Variants in AP3B1 observed in about 807,000 individuals in gnomAD.
The protein encoded by AP3B1 is AP-3 complex subunit beta-1.
A neutral mutation model predicts 132.5 loss-of-function variants in AP3B1; 61 were observed. The observed-to-expected ratio is 0.46, with a 90% CI of 0.37 to 0.57. AP3B1 has a LOEUF of 0.57. Ranked by LOEUF, AP3B1 falls within the 20% of genes least tolerant of loss-of-function variation. The pLI, the probability that AP3B1 is intolerant of heterozygous loss-of-function variation, is 0.00. For synonymous variants in AP3B1, 388 were observed against 438.3 expected (o/e 0.89, Z 1.43); for missense variants, 1,120 against 1,289.4 (o/e 0.87, Z 2.01).
At chr5:78,236,352 A>G (rs1403171016) in intron 3 of AP3B1, among the ~76,000 whole-genome samples, 2 of 130,282 alleles carry the variant, frequency 1.5e-5, no homozygotes, top group South Asian at 2.4e-4. Flanking sequence ...ACTAAAACAT[A>G]AAAGAAAAAA....
chr5:78,030,522 T>C (rs1197564194), intron 24 of AP3B1, among the ~76,000 whole-genome samples: 4 of 152,218 alleles, frequency 2.6e-5, no homozygotes, highest in African/African-American at 4.8e-5. Context: ...CATTTTTAGG[T>C]AAACTGCTTT....
At chr5:78,110,064 C>G (rs1357482989) in intron 20 of AP3B1, 143 bp downstream of exon 20, 2 of 711,938 alleles carry the variant, frequency 2.8e-6, no homozygotes, top group African/African-American at 3.6e-5. Flanking sequence ...TTTAAAGTTT[C>G]TAGCATTTCT....
intron 1 of AP3B1, among the ~76,000 whole-genome samples, chr5:78,269,531 T>C (rs760253012): frequency 1.3e-5 from 2 of 152,198 alleles, no homozygotes; most frequent in Non-Finnish European, 2.9e-5. Flanking sequence ...ACTAGGGATG[T>C]GTTAGGGCTA....
chr5:78,092,198 G>A (rs546559984), intron 21 of AP3B1, among the ~76,000 whole-genome samples: 78 of 152,264 alleles, frequency 5.1e-4, no homozygotes, highest in Middle Eastern at 3.4e-3. Flanking sequence ...AACTGAATAA[G>A]AAACAGCCTC....
chr5:78,086,627 G>T (rs1324654413), intron 22 of AP3B1, among the ~76,000 whole-genome samples: 1 of 152,126 alleles, frequency 6.6e-6, no homozygotes, highest in Non-Finnish European at 1.5e-5. Flanking sequence ...GATGCCACTA[G>T]CTTTAAGGAG....
chr5:78,143,625 A>G (rs957553730), intron 14 of AP3B1, among the ~76,000 whole-genome samples: 5 of 152,174 alleles, frequency 3.3e-5, no homozygotes, highest in Admixed American at 6.5e-5. Context: ...ATTAAGCAAC[A>G]GGACTCTCAT....
At chr5:78,005,861 A>G (rs1746368951) in intron 26 of AP3B1, among the ~76,000 whole-genome samples, 1 of 152,242 alleles carries the variant, frequency 6.6e-6, no homozygotes, top group Non-Finnish European at 1.5e-5. Context: ...ACATACATGC[A>G]AAAAATAGTT....
intron 11 of AP3B1, among the ~76,000 whole-genome samples, chr5:78,170,056 T>C (rs574203737): frequency 6.6e-6 from 1 of 152,262 alleles, no homozygotes; most frequent in Admixed American, 6.5e-5. Context: ...GGTTGCCAGC[T>C]TCATCCATGT....
chr5:78,027,314 C>T lies in AP3B1; in HGVS notation c.2895-6525G>A, dbSNP rs543355322. ...GATTTTTTCCAAATAATGGTCCTCA[C>T]ACCATTTACTGCATGGTCTGTTCTT... is the stretch of plus-strand genomic sequence containing the variant. On this transcript the variant is annotated intron_variant, in intron 24 of 26. Coordinates refer to ENST00000255194, the MANE Select transcript of AP3B1 (RefSeq NM_003664.5). Among the ~76,000 whole-genome samples the T allele has an allele frequency of 2.2e-4, 33 of 152,180 alleles. No individual in the cohort carries two copies. In the South Asian group the frequency reaches 6.4e-3, roughly 30 times the overall value.
chr5:78,114,568 A>C (rs1751739870), intron 18 of AP3B1, among the ~76,000 whole-genome samples: 1 of 152,204 alleles, frequency 6.6e-6, no homozygotes, highest in African/African-American at 2.4e-5. Flanking sequence ...GACTGTTCGC[A>C]GAAGAGAATA....
intron 15 of AP3B1, among the ~76,000 whole-genome samples, chr5:78,139,885 CAG>C (rs1753072573): frequency 6.6e-6 from 1 of 151,474 alleles, no homozygotes; most frequent in Non-Finnish European, 1.5e-5. Flanking sequence ...TGAAGGATGT[CAG>C]AGAGATATCT....
chr5:78,284,572 A>G (rs933959077), intron 1 of AP3B1, among the ~76,000 whole-genome samples: 4 of 152,226 alleles, frequency 2.6e-5, no homozygotes, highest in African/African-American at 9.6e-5. Flanking sequence ...TGAAACAAGC[A>G]AATTATAATG....
chr5:78,145,742 C>T (rs980101022), intron 14 of AP3B1, among the ~76,000 whole-genome samples: 1 of 152,168 alleles, frequency 6.6e-6, no homozygotes, highest in Admixed American at 6.5e-5. Flanking sequence ...TCAGGGCAGA[C>T]CCAGGCCATC....
chr5:78,110,831 T>C (rs1347119391), intron 19 of AP3B1, among the ~76,000 whole-genome samples: 6 of 151,908 alleles, frequency 3.9e-5, no homozygotes, highest in Non-Finnish European at 8.8e-5. Flanking sequence ...CAATCACGGC[T>C]CACTGCAGCC....
At position 78,155,899 on chromosome 5, in the gene AP3B1, G is replaced by A. The variant is rs556204142; in HGVS notation, c.1473+359C>T. 8.5e-5 allele frequency among the ~76,000 whole-genome samples: 13 copies of A among 152,248 alleles called. No individual in the cohort carries two copies. In the East Asian group the frequency reaches 2.5e-3, roughly 29 times the overall value. On this transcript the variant is annotated intron_variant, in intron 14 of 26. Coordinates refer to ENST00000255194, the MANE Select transcript of AP3B1 (RefSeq NM_003664.5). ...AAAACAAAATCTGTGCACAAAGTGT[G>A]CTCAATGGTATTGTTTCTAACTCCT...
chr5:78,160,591 G>A (rs921224543), intron 13 of AP3B1, among the ~76,000 whole-genome samples: 1 of 152,002 alleles, frequency 6.6e-6, no homozygotes, highest in Non-Finnish European at 1.5e-5. Flanking sequence ...GAGGTTTAAA[G>A]ATTCATTATT....
intron 1 of AP3B1, among the ~76,000 whole-genome samples, chr5:78,277,854 A>G (rs895380821): frequency 6.6e-6 from 1 of 152,224 alleles, no homozygotes; most frequent in East Asian, 1.9e-4. Context: ...AACCAAGCAT[A>G]TATCTTCCAT....
At chr5:78,217,317 C>CTAT (rs1276922398) in intron 6 of AP3B1, among the ~76,000 whole-genome samples, 1 of 152,064 alleles carries the variant, frequency 6.6e-6, no homozygotes, top group Non-Finnish European at 1.5e-5. Flanking sequence ...AGAATATAGA[C>CTAT]TCGCTATTAT....
At chr5:78,193,770 A>ATTTTTTTTT (rs35190275) in intron 7 of AP3B1, among the ~76,000 whole-genome samples, 1,049 of 66,696 alleles carry the variant, frequency 0.016, 16 homozygotes, top group African/African-American at 0.023. Context: ...ATATATATAT[A>ATTTTTTTTT]TTTTTTTTTT....
Sources: allele counts gnomAD v4.1 joint callset (sites outside exome capture counted in the v4.1 genomes callset), GRCh38; gene constraint gnomAD v4.1.1; transcripts MANE v1.5; gene names NCBI Gene and HGNC (gene_info 2026-07-23, HGNC 2026-07-21).